Variants in NCF2 observed in about 807,000 individuals in gnomAD.
The protein encoded by NCF2 is neutrophil cytosol factor 2.
NCF2 carries 45 observed loss-of-function variants against 70.9 expected under a neutral mutation model. The ratio of observed to expected loss-of-function variants is 0.63; its 90% CI spans 0.50 to 0.81. The LOEUF is 0.81. NCF2 is among the 40% of genes least tolerant of loss of function. NCF2 has a pLI of 0.00. For synonymous variants in NCF2, 203 were observed against 233.6 expected, an observed-to-expected ratio of 0.87 and a Z score of 1.19; for missense variants, 522 against 631.6, an observed-to-expected ratio of 0.83 and a Z score of 1.86.
intron 5 of NCF2, among the ~76,000 whole-genome samples, chr1:183,571,987 C>A (rs1672585836): frequency 6.6e-6 from 1 of 152,158 alleles, no homozygotes; most frequent in Non-Finnish European, 1.5e-5. Context: ...ATTTTGATTA[C>A]TCATTCATCA....
intron 11 of NCF2, chr1:183,563,788 G>A (rs1672185527): frequency 2.5e-6 from 2 of 809,040 alleles, no homozygotes; most frequent in Middle Eastern, 3.6e-4. Flanking sequence ...TTCCTACTGA[G>A]TAAGATCTGG....
At chr1:183,590,646 G>A (rs1300988363), upstream of NCF2, 2 of 410,064 alleles carry the variant, frequency 4.9e-6, no homozygotes, top group East Asian at 1.1e-4. Flanking sequence ...TGAAGGATCA[G>A]TTCCCCAAAA....
chr1:183,583,539 T>G (rs770142716), intron 2 of NCF2, among the ~76,000 whole-genome samples: 1 of 152,262 alleles, frequency 6.6e-6, no homozygotes, highest in Non-Finnish European at 1.5e-5. Context: ...TTTGCTCACT[T>G]TTATTTAATC....
At chr1:183,587,297 C>T (rs1299820120) in intron 1 of NCF2, among the ~76,000 whole-genome samples, 3 of 152,094 alleles carry the variant, frequency 2.0e-5, no homozygotes, top group Non-Finnish European at 2.9e-5. Context: ...AAAAGCTACA[C>T]AAGAATCCAA....
intron 13 of NCF2, among the ~76,000 whole-genome samples, chr1:183,562,407 C>G (rs1672103223): frequency 6.6e-6 from 1 of 152,094 alleles, no homozygotes; most frequent in African/African-American, 2.4e-5. Context: ...ACTCTTACCC[C>G]CAGGATCCTG....
At chr1:183,575,988 CAGAA>C (rs939930813) in intron 3 of NCF2, among the ~76,000 whole-genome samples, 3 of 152,194 alleles carry the variant, frequency 2.0e-5, no homozygotes, top group Admixed American at 6.5e-5. Context: ...ACCTTGTGTG[CAGAA>C]AGAAAGAACT....
At chr1:183,594,082 A>T (rs1673731924), upstream of NCF2, among the ~76,000 whole-genome samples, 1 of 152,214 alleles carries the variant, frequency 6.6e-6, no homozygotes, top group Admixed American at 6.5e-5. Context: ...AAGAGCTCAG[A>T]TGCTTAGTTA....
rs1220483400 is a variant in NCF2, at chr1:183,570,894, TG to T, written c.610-56del. On this transcript the variant is annotated intron_variant, in intron 5 of 14. Transcript: ENST00000367535. ...TCTGCCAGCACTGTTTCCATTCTTCTGGGTCTCCCTCTTTGCTCATGCCCTA... is the reference window on the plus strand; with the variant it reads ...TCTGCCAGCACTGTTTCCATTCTTCTGGTCTCCCTCTTTGCTCATGCCCTA... 6.7e-5 allele frequency: 105 copies of T among 1,576,804 alleles called. 2 individuals carry two copies. In the East Asian group the frequency reaches 2.3e-3, roughly 35 times the overall value.
chr1:183,591,327 T>G (rs1402728909), upstream of NCF2, among the ~76,000 whole-genome samples: 1 of 152,218 alleles, frequency 6.6e-6, no homozygotes, highest in Non-Finnish European at 1.5e-5. Context: ...GAGAGGATAA[T>G]TCTTTCCAGT....
At chr1:183,589,854 A>C (rs549670383) in intron 1 of NCF2, among the ~76,000 whole-genome samples, 56 of 152,302 alleles carry the variant, frequency 3.7e-4, no homozygotes, top group African/African-American at 1.3e-3. Context: ...TGTGTAGAAG[A>C]AAGTACGACT....
At chr1:183,572,593 C>T (rs1361634076) in intron 5 of NCF2, among the ~76,000 whole-genome samples, 1 of 152,062 alleles carries the variant, frequency 6.6e-6, no homozygotes, top group Admixed American at 6.6e-5. Context: ...GAGCATTAAT[C>T]CAAGAGGATC....
At chr1:183,577,547 A>C in intron 3 of NCF2, 52 bp downstream of exon 3, 1 of 1,405,148 alleles carries the variant, frequency 7.1e-7, no homozygotes, top group South Asian at 1.2e-5. Flanking sequence ...ACTGTCAGCC[A>C]TCCATCCAGC....
chr1:183,566,033 T>C (rs910113210), intron 9 of NCF2, among the ~76,000 whole-genome samples: 1 of 152,240 alleles, frequency 6.6e-6, no homozygotes, highest in African/African-American at 2.4e-5. Flanking sequence ...CCTTGCCGCT[T>C]TAGCAACTCT....
chr1:183,574,553 T>C lies in NCF2; in HGVS notation c.435A>G (p.Ala145=). 2 of 1,614,254 alleles carry C rather than the reference T, an allele frequency of 1.2e-6. No individual in the cohort carries two copies. The highest frequency in any genetic ancestry group is 1.7e-6 in the Non-Finnish European group (2 of 1,180,034). ...GCTCAGACTTCATGCTCGTGGCCAA[T>C]GCTAACTGTTCTTCAGCTTTTTTCC... ...EEWKKAEEQL[A]LATSMKSEPR... is the part of the protein sequence containing the mutation. Residue 145 remains alanine, a synonymous_variant, in exon 4 of 15, where the codon GCA becomes GCG. Transcript: ENST00000367535.
chr1:183,559,920 T>G (rs561720503), intron 14 of NCF2, among the ~76,000 whole-genome samples, 176 bp downstream of exon 14: 13 of 152,186 alleles, frequency 8.5e-5, no homozygotes, highest in Non-Finnish European at 1.6e-4. Context: ...ACTAGAGCAA[T>G]AGACAGGGAA....
intron 6 of NCF2, among the ~76,000 whole-genome samples, chr1:183,569,872 G>A (rs1672469946): frequency 6.6e-6 from 1 of 152,210 alleles, no homozygotes; most frequent in Non-Finnish European, 1.5e-5. Context: ...TTATAGGCGT[G>A]AGCCACTGTG....
chr1:183,585,027 G>A (rs1673279943), intron 2 of NCF2, among the ~76,000 whole-genome samples: 1 of 152,184 alleles, frequency 6.6e-6, no homozygotes, highest in African/African-American at 2.4e-5. Context: ...CATTGTGTCT[G>A]TGGTTTTTCT....
chr1:183,585,962 G>C (rs984222530), intron 2 of NCF2, among the ~76,000 whole-genome samples: 1 of 152,214 alleles, frequency 6.6e-6, no homozygotes, highest in Admixed American at 6.5e-5. Context: ...ATAACATTTT[G>C]ATCTATGGCC....
At chr1:183,575,892 G>C (rs1293476935) in intron 3 of NCF2, among the ~76,000 whole-genome samples, 1 of 152,148 alleles carries the variant, frequency 6.6e-6, no homozygotes, top group Non-Finnish European at 1.5e-5. Context: ...CCCCGGAAGT[G>C]GAAATCTGGA....
Sources: allele counts gnomAD v4.1 joint callset (sites outside exome capture counted in the v4.1 genomes callset), GRCh38; gene constraint gnomAD v4.1.1; transcripts MANE v1.5; gene names NCBI Gene and HGNC (gene_info 2026-07-23, HGNC 2026-07-21).